DCAF17: variants seen among roughly 807,000 people sequenced by gnomAD.
The protein encoded by DCAF17 is DDB1- and CUL4-associated factor 17.
DCAF17 carries 48 observed loss-of-function variants against 66.0 expected under a neutral mutation model. The observed-to-expected ratio is 0.73, with a 90% CI of 0.58 to 0.92. The LOEUF is 0.92. Among genes scored for constraint, DCAF17 ranks in the 40% least tolerant of loss-of-function variants. The pLI is 0.00. For missense variants in DCAF17, 562 were observed against 622.8 expected, an observed-to-expected ratio of 0.90 and a Z score of 1.04; for synonymous variants, 206 against 214.6, an observed-to-expected ratio of 0.96 and a Z score of 0.35.
intron 3 of DCAF17, chr2:171,447,408 T>A: frequency 2.9e-6 from 1 of 340,714 alleles, no homozygotes; most frequent in South Asian, 2.2e-5. Flanking sequence ...GTCGCCAGGC[T>A]GGAGTGCAGT....
chr2:171,461,829 C>T (rs1413428325), intron 8 of DCAF17, among the ~76,000 whole-genome samples: 3 of 149,680 alleles, frequency 2.0e-5, no homozygotes, highest in Non-Finnish European at 4.5e-5. Context: ...TTAACCCAGC[C>T]CTAGGCAACC....
intron 9 of DCAF17, among the ~76,000 whole-genome samples, chr2:171,470,919 A>T (rs1006768486): frequency 6.6e-6 from 1 of 152,228 alleles, no homozygotes; most frequent in South Asian, 2.1e-4. Context: ...ATAAGGGATG[A>T]TGTGCATAGA....
intron 9 of DCAF17, among the ~76,000 whole-genome samples, 192 bp downstream of exon 9, chr2:171,469,222 G>A (rs1043373848): frequency 4.6e-5 from 7 of 152,114 alleles, no homozygotes; most frequent in East Asian, 3.8e-4. Context: ...ATTTTAAAAC[G>A]TTAACATTTG....
intron 8 of DCAF17, among the ~76,000 whole-genome samples, chr2:171,459,936 T>TTAATTTTAAAATTA (rs1401101583): frequency 7.2e-5 from 11 of 152,194 alleles, no homozygotes; most frequent in Non-Finnish European, 1.2e-4. Context: ...ATTTTAAAAC[T>TTAATTTTAAAATTA]GTAGGCTGCA....
At chr2:171,434,738 CGCG>C in intron 1 of DCAF17, 35 bp downstream of exon 1, 1 of 1,395,096 alleles carries the variant, frequency 7.2e-7, no homozygotes. Flanking sequence ...GACGGAGGGC[CGCG>C]GGCGCGCGGC....
rs1419076932 is a variant in DCAF17 at position 171,484,262 on chromosome 2, C to T, written c.*3148C>T. 2.2e-6 allele frequency: 1 copy of T among 448,374 alleles called. No individual in the cohort carries two copies. Among genetic ancestry groups the T allele is most frequent in the Non-Finnish European group, 4.4e-6 (1 of 225,676 alleles). 27.8% of individuals were successfully genotyped at this position (448,374 alleles called of 1,614,324 possible). ...AATCCCAGGGAGCTAATTTCTGGTC[C>T]CTGTGTTGCTATCAAATCTGTATCT... On this transcript the variant is annotated 3_prime_UTR_variant, in exon 14 of 14. Transcript: ENST00000375255.
intron 4 of DCAF17, 22 bp downstream of exon 4, chr2:171,448,839 T>C: frequency 3.1e-6 from 5 of 1,601,522 alleles, no homozygotes; most frequent in Non-Finnish European, 4.3e-6. Context: ...GAATTTATTA[T>C]TCAAGATTTT....
At chr2:171,462,122 G>A (rs2105781981) in intron 8 of DCAF17, among the ~76,000 whole-genome samples, 1 of 152,260 alleles carries the variant, frequency 6.6e-6, no homozygotes, top group South Asian at 2.1e-4. Flanking sequence ...AGACTTAAAA[G>A]TTTTAGAAGA....
chr2:171,439,310 A>G (rs111619436), intron 2 of DCAF17, among the ~76,000 whole-genome samples: 1,757 of 150,914 alleles, frequency 0.012, 42 homozygotes, highest in African/African-American at 0.041. Flanking sequence ...ACCTTCTCCA[A>G]TTTTCCTGTA....
In DCAF17 at chr2:171,443,573, C is replaced by G. The variant is rs1694440821; in HGVS notation, c.281C>G (p.Ser94Ter). The change falls in exon 3 of 14, where the codon TCA becomes TGA. Residue 94 changes from serine (S) to a stop codon, truncating the protein, a stop_gained. Transcript: ENST00000375255. LOFTEE classifies it high-confidence loss of function. The part of the protein sequence containing the change: ...KLYEMPKCSK[S>*]EKIEDALLWE... ...TATGAAATGCCAAAATGTTCCAAAT[C>G]AGAAAAAATAGAGGATGCTTTATTA... 6.2e-7 allele frequency: 1 copy of G among 1,612,742 alleles called. No individual in the cohort carries two copies. Among genetic ancestry groups the G allele is most frequent in the Admixed American group, 1.7e-5 (1 of 59,966 alleles).
chr2:171,465,477 C>T (rs929392100), intron 8 of DCAF17, among the ~76,000 whole-genome samples: 3 of 152,120 alleles, frequency 2.0e-5, no homozygotes, highest in Admixed American at 1.3e-4. Flanking sequence ...TAAAAAGATA[C>T]ACTCTTGGAA....
rs1262549049 is a variant in DCAF17, at chr2:171,434,656, G to A, written c.79G>A (p.Val27Met). The change falls in exon 1 of 14, where the codon GTG becomes ATG. Residue 27 changes from valine to methionine, a missense_variant. Val to Met is a conservative substitution (Grantham distance 21). Around this residue, in one of 3 missense-constraint regions of DCAF17, gnomAD observed 348 missense variants for 355.9 expected, o/e 0.98. Transcript: ENST00000375255. Reference protein sequence around the residue: ...ALGCFSRDAGVVQRTNLGILR... With the variant: ...ALGCFSRDAGMVQRTNLGILR... ...GGGCTGCTTCTCGCGCGACGCAGGC[G>A]TGGTGCAGAGGACCAACCTGGGCAT... is the stretch of plus-strand genomic sequence containing the variant. 4 of 1,535,304 alleles carry A rather than the reference G, an allele frequency of 2.6e-6. No individual in the cohort carries two copies. The African/African-American group carries it at 4.2e-5, about 16-fold the overall frequency.
At chr2:171,452,215 A>G (rs1002339273) in intron 5 of DCAF17, among the ~76,000 whole-genome samples, 1 of 152,284 alleles carries the variant, frequency 6.6e-6, no homozygotes, top group African/African-American at 2.4e-5. Flanking sequence ...TAAAAGTTCT[A>G]TTGAAGCAGA....
chr2:171,434,604 G>T lies in DCAF17; in HGVS notation c.27G>T (p.Val9=). The T allele has an allele frequency of 2.6e-6, 4 of 1,528,262 alleles. No homozygotes were observed. Among genetic ancestry groups the T allele is most frequent in the Non-Finnish European group, 3.5e-6 (4 of 1,144,506 alleles). 94.7% of individuals were successfully genotyped at this position (1,528,262 alleles called of 1,614,324 possible). Residue 9 remains valine (V), a synonymous_variant, in exon 1 of 14, where the codon GTG becomes GTT. Transcript: ENST00000375255. MGPTRKPN[V]CSRLSRRALG... The stretch of plus-strand genomic sequence containing the variant: ...TGGGCCCGACCCGGAAGCCCAACGT[G>T]TGCAGCCGGCTGAGTCGCCGGGCGC...
Position 171,484,972 on chromosome 2 carries a change from T to C in DCAF17, c.*3858T>C. 4.4e-6 allele frequency: 2 copies of C among 454,130 alleles called. No individual in the cohort carries two copies. Among genetic ancestry groups the C allele is most frequent in the South Asian group, 1.6e-5 (1 of 64,472 alleles). The allele number at this position is 454,130 out of a possible 1,614,324, so 28.1% of individuals were successfully genotyped here. A position where few individuals can be genotyped will look rare whatever the true frequency, so the allele number is the denominator to read the frequency against. ...GAATATATCACAGTTTGTTTTTTTA[T>C]CTTTCTGTTGATGGACACTGGGCTC... On this transcript the variant is annotated 3_prime_UTR_variant, in exon 14 of 14. Transcript: ENST00000375255.
chr2:171,458,314 T>C, intron 7 of DCAF17, 58 bp from the exon 8 acceptor site: 1 of 1,417,480 alleles, frequency 7.1e-7, no homozygotes, highest in Non-Finnish European at 1.0e-6. Flanking sequence ...TTTTGTTCTC[T>C]CCAGATATCA....
intron 2 of DCAF17, among the ~76,000 whole-genome samples, chr2:171,435,766 A>G (rs1466503338): frequency 6.6e-6 from 1 of 152,146 alleles, no homozygotes; most frequent in Non-Finnish European, 1.5e-5. Context: ...CCTCTTTTAA[A>G]GCATATTCTA....
chr2:171,443,289 A>T, intron 2 of DCAF17: 1 of 393,932 alleles, frequency 2.5e-6, no homozygotes, highest in African/African-American at 2.0e-5. Flanking sequence ...AAATGAACCA[A>T]AATGTTAATA....
chr2:171,434,852 G>A, intron 1 of DCAF17, 149 bp downstream of exon 1: 1 of 1,211,448 alleles, frequency 8.3e-7, no homozygotes, highest in Non-Finnish European at 1.1e-6. Flanking sequence ...ATCTGGGATA[G>A]GTGGTAATAG....
Sources: gnomAD v4.1 joint callset for allele counts (sites outside exome capture counted in the v4.1 genomes callset) on GRCh38, gnomAD v4.1.1 for gene constraint, gnomAD v4.1.1 regional missense constraint, MANE v1.5 for transcripts, NCBI Gene and HGNC (gene_info 2026-07-23, HGNC 2026-07-21) for gene names.